Variants in ZNF610 observed in about 807,000 individuals in gnomAD.
ZNF610 encodes the protein zink finger protein.
A neutral mutation model predicts 14.1 loss-of-function variants in ZNF610; 14 were observed. The observed-to-expected ratio is 0.99, with a 90% CI of 0.65 to 1.55. The LOEUF (loss-of-function observed/expected upper bound fraction) is 1.55. ZNF610 is among the 40% of genes most tolerant of loss of function. The pLI, the probability that ZNF610 is intolerant of heterozygous loss-of-function variation, is 0.00. For missense variants in ZNF610, 530 were observed against 558.0 expected (o/e 0.95, Z 0.51); for synonymous variants, 185 against 187.6 (o/e 0.99, Z 0.11).
Position 52,367,703 on chromosome 19 carries a change from C to CA in ZNF610, c.*940dup, listed in dbSNP as rs1214624474. ...TGTAGGATGTTTATGTGGGTAAAGT[C>CA]AAAATCACTTTAATAGTACAATTTC... On this transcript the variant is annotated 3_prime_UTR_variant, in exon 6 of 6. Coordinates refer to ENST00000403906, the MANE Select transcript of ZNF610 (RefSeq NM_001161425.2). 1.8e-5 allele frequency: 1 copy of CA among 56,772 alleles called. No homozygotes were observed. The highest frequency in any genetic ancestry group is 3.7e-5 in the Non-Finnish European group (1 of 27,236). The allele number at this position is 56,772 out of a possible 1,614,324, so 3.5% of individuals were successfully genotyped here. A position where few individuals can be genotyped will look rare whatever the true frequency, so the allele number is the denominator to read the frequency against.
intron 5 of ZNF610, among the ~76,000 whole-genome samples, chr19:52,360,146 G>T (rs1038395676): frequency 6.6e-6 from 1 of 152,084 alleles, no homozygotes; most frequent in Non-Finnish European, 1.5e-5. Flanking sequence ...CTTTCCCCCA[G>T]ACATAAAGCA....
intron 5 of ZNF610, among the ~76,000 whole-genome samples, chr19:52,361,578 A>T (rs367869429): frequency 7.0e-6 from 1 of 143,688 alleles, no homozygotes; most frequent in Non-Finnish European, 1.6e-5. Flanking sequence ...TTTGTTGTTT[A>T]TCTAGCTAAG....
intron 3 of ZNF610, among the ~76,000 whole-genome samples, chr19:52,351,682 C>T (rs1259458255): frequency 6.6e-6 from 1 of 152,104 alleles, no homozygotes; most frequent in African/African-American, 2.4e-5. Flanking sequence ...TGTGTGAGGC[C>T]ATAGGAAGCT....
intron 5 of ZNF610, among the ~76,000 whole-genome samples, chr19:52,359,829 C>T (rs1382714848): frequency 6.6e-6 from 1 of 152,202 alleles, no homozygotes; most frequent in Non-Finnish European, 1.5e-5. Context: ...GAGTCTGGGC[C>T]TCTAGAACTT....
chr19:52,357,460 A>T (rs1361521719), intron 5 of ZNF610, among the ~76,000 whole-genome samples: 1 of 152,048 alleles, frequency 6.6e-6, no homozygotes. Flanking sequence ...CCTGGCTAAC[A>T]TGGTGAAACC....
intron 3 of ZNF610, 89 bp downstream of exon 3, chr19:52,349,324 C>T (rs1446847680): frequency 3.4e-5 from 48 of 1,417,606 alleles, no homozygotes; most frequent in Non-Finnish European, 4.7e-5. Flanking sequence ...CACACTCACC[C>T]ATGCCTTCCC....
Position 52,366,048 on chromosome 19 carries a change from G to A in ZNF610, c.670G>A (p.Val224Ile). The change falls in exon 6 of 6, where the codon GTA becomes ATA. Residue 224 changes from valine to isoleucine, a missense_variant. Physicochemically the swap from Val to Ile is conservative, Grantham distance 29. Transcript: ENST00000403906. ...RVRASLTNHQ[V>I]IHTAEKPYKC... ...CCGTGCAAGCCTTACTAACCATCAA[G>A]TAATCCATACTGCAGAGAAACCTTA... 1.2e-6 allele frequency: 2 copies of A among 1,614,096 alleles called. No individual in the cohort carries two copies. The highest frequency in any genetic ancestry group is 1.3e-5 in the African/African-American group (1 of 75,034).
chr19:52,353,832 G>A (rs777027975), intron 4 of ZNF610, 24 bp downstream of exon 4: 6 of 1,602,308 alleles, frequency 3.7e-6, no homozygotes, highest in Non-Finnish European at 5.1e-6. Context: ...CCCTCCAGAA[G>A]CCGGGATCTG....
upstream of ZNF610, among the ~76,000 whole-genome samples, chr19:52,334,560 C>T (rs181224224): frequency 2.8e-4 from 43 of 152,120 alleles, no homozygotes; most frequent in Admixed American, 1.4e-3. Flanking sequence ...TGAATATTGA[C>T]TGGAAACACA....
rs570367136 is a variant in ZNF610, at chr19:52,353,049, C to A, written c.64-633C>A. 2.6e-5 allele frequency among the ~76,000 whole-genome samples: 4 copies of A among 152,216 alleles called. No individual in the cohort carries two copies. In the East Asian group the frequency reaches 7.7e-4, roughly 29 times the overall value. ...TGCCTCCCAGGTTCAAGCAATTCTC[C>A]TGCCTCAGCCTCCCAAGTAGCTGGG... On this transcript the variant is annotated intron_variant, in intron 3 of 5. Coordinates refer to ENST00000403906, the MANE Select transcript of ZNF610 (RefSeq NM_001161425.2).
At chr19:52,351,268 C>G (rs1030109286) in intron 3 of ZNF610, among the ~76,000 whole-genome samples, 19 of 151,908 alleles carry the variant, frequency 1.3e-4, no homozygotes, top group Non-Finnish European at 2.5e-4. Flanking sequence ...ACCAGCCTGA[C>G]CAACATGGTG....
At chr19:52,360,222 A>C (rs1297054863) in intron 5 of ZNF610, among the ~76,000 whole-genome samples, 1 of 152,218 alleles carries the variant, frequency 6.6e-6, no homozygotes, top group Non-Finnish European at 1.5e-5. Context: ...TTCTGCCTTG[A>C]GGCAGGTGAA....
intron 5 of ZNF610, among the ~76,000 whole-genome samples, chr19:52,359,044 A>C (rs2122266176): frequency 1.3e-5 from 2 of 152,310 alleles, no homozygotes; most frequent in South Asian, 4.1e-4. Flanking sequence ...ATTTTGATGA[A>C]GGTAGCTTAG....
At chr19:52,352,669 C>T (rs983282798) in intron 3 of ZNF610, among the ~76,000 whole-genome samples, 8 of 151,722 alleles carry the variant, frequency 5.3e-5, no homozygotes, top group African/African-American at 1.9e-4. Flanking sequence ...CTTTTTTTTT[C>T]CTGTTTTTTT....
intron 1 of ZNF610, among the ~76,000 whole-genome samples, chr19:52,337,950 G>C (rs1246540839): frequency 6.6e-6 from 1 of 152,148 alleles, no homozygotes; most frequent in Non-Finnish European, 1.5e-5. Context: ...TTTTTCCTAC[G>C]CTTACAATCA....
chr19:52,362,103 G>A (rs1985812522), intron 5 of ZNF610, among the ~76,000 whole-genome samples: 1 of 152,136 alleles, frequency 6.6e-6, no homozygotes, highest in East Asian at 1.9e-4. Context: ...AAATAAATAA[G>A]CCAGCACTAT....
At chr19:52,340,047 G>A (rs1984602767) in intron 1 of ZNF610, among the ~76,000 whole-genome samples, 1 of 152,240 alleles carries the variant, frequency 6.6e-6, no homozygotes, top group African/African-American at 2.4e-5. Flanking sequence ...CTATCTCCAA[G>A]TAGACAGTAG....
chr19:52,336,789 C>A (rs1984405169), intron 1 of ZNF610, among the ~76,000 whole-genome samples: 1 of 152,160 alleles, frequency 6.6e-6, no homozygotes, highest in South Asian at 2.1e-4. Context: ...GCCTCCCCTT[C>A]GCAGCCATCG....
intron 5 of ZNF610, among the ~76,000 whole-genome samples, chr19:52,354,580 A>ATTTTTT (rs201439857): frequency 8.9e-5 from 11 of 123,588 alleles, no homozygotes; most frequent in Non-Finnish European, 1.4e-4. Flanking sequence ...AAGCCATACT[A>ATTTTTT]TTTTTTTTTT....
Sources: gnomAD v4.1 joint callset for allele counts (sites outside exome capture counted in the v4.1 genomes callset) on GRCh38, gnomAD v4.1.1 for gene constraint, MANE v1.5 for transcripts, NCBI Gene and HGNC (gene_info 2026-07-23, HGNC 2026-07-21) for gene names.